PSME4: variants seen among roughly 807,000 people sequenced by gnomAD.
PSME4 encodes the protein proteasome activator complex subunit 4.
A neutral mutation model predicts 253.9 loss-of-function variants in PSME4; 89 were observed. The observed-to-expected ratio is 0.35, with a 90% CI of 0.30 to 0.42. PSME4 has a LOEUF of 0.42. PSME4 is among the 10% of genes least tolerant of loss of function. The probability of loss-of-function intolerance (pLI) is 1.00; values close to 1 mark genes in which losing one functional copy is unlikely to be tolerated. For synonymous variants in PSME4, 851 were observed against 759.2 expected (o/e 1.12, Z -1.99); for missense variants, 2,014 against 2,195.2 (o/e 0.92, Z 1.65).
At chr2:53,951,065 A>G (rs1669965015) in intron 1 of PSME4, among the ~76,000 whole-genome samples, 1 of 152,046 alleles carries the variant, frequency 6.6e-6, no homozygotes, top group Admixed American at 6.6e-5. Context: ...CCTGAGATCA[A>G]ATAAAACTTA....
intron 7 of PSME4, among the ~76,000 whole-genome samples, chr2:53,935,074 G>A (rs1285126408): frequency 5.9e-5 from 9 of 152,110 alleles, no homozygotes; most frequent in Non-Finnish European, 1.3e-4. Context: ...TGTCCCAAAT[G>A]CACAAATAAT....
At chr2:53,948,359 T>C (rs1669822318) in intron 3 of PSME4, 62 bp downstream of exon 3, 2 of 974,496 alleles carry the variant, frequency 2.1e-6, no homozygotes, top group Admixed American at 3.8e-5. Context: ...TTTTCAATCA[T>C]GATCACCCCC....
chr2:53,919,251 A>C lies in PSME4; in HGVS notation c.2421-5T>G. The C allele has an allele frequency of 3.1e-6, 2 of 641,748 alleles. No homozygotes were observed. Among genetic ancestry groups the C allele is most frequent in the Non-Finnish European group, 4.6e-6 (2 of 439,446 alleles). The allele number at this position is 641,748 out of a possible 1,614,324, so 39.8% of individuals were successfully genotyped here. ...AGACTCTGTAGAATATCATCTCTAG[A>C]AAAAAAAAAAAGACATTTTCATATT... On this transcript the variant is annotated splice_polypyrimidine_tract_variant and splice_region_variant and intron_variant, in intron 19 of 46. Coordinates refer to ENST00000404125, the MANE Select transcript of PSME4 (RefSeq NM_014614.3).
At chr2:53,896,653 TA>T (rs1680150380) in intron 32 of PSME4, 150 bp downstream of exon 32, 1 of 589,206 alleles carries the variant, frequency 1.7e-6, no homozygotes, top group African/African-American at 1.9e-5. Flanking sequence ...TAGCTTTTAC[TA>T]AGTCAACTGT....
chr2:53,869,405 C>T lies in PSME4; in HGVS notation c.5234G>A (p.Gly1745Asp). ...KLPKKRKRDP[G>D]SVGDTIPSAE... ...AGAAGGAATGGTATCTCCTACAGAA[C>T]CAGGGTCTCGCTTTCTTTTCTTAGG... is the stretch of plus-strand genomic sequence containing the variant. Residue 1745 changes from glycine to aspartate, a missense_variant, in exon 44 of 47, where the codon GGT becomes GAT. Gly to Asp is a moderately conservative substitution (Grantham distance 94). This residue lies in a region of PSME4 where 403 missense variants were observed against 556.1 expected (regional missense o/e 0.72). Coordinates refer to ENST00000404125, the MANE Select transcript of PSME4 (RefSeq NM_014614.3). The T allele has an allele frequency of 1.2e-6, 2 of 1,610,974 alleles. No homozygotes were observed. Among genetic ancestry groups the T allele is most frequent in the Non-Finnish European group, 1.7e-6 (2 of 1,177,806 alleles).
In PSME4 at chr2:53,970,577, G is replaced by A. The variant is rs1252606977; in HGVS notation, c.208C>T (p.Pro70Ser). The A allele has an allele frequency of 2.6e-6, 4 of 1,548,548 alleles. No homozygotes were observed. The change falls in exon 1 of 47, where the codon CCC becomes TCC. Residue 70 changes from proline to serine, a missense_variant. Coordinates refer to ENST00000404125, the MANE Select transcript of PSME4 (RefSeq NM_014614.3). The part of the protein sequence containing the change: ...GRAVQLQELW[P>S]GGLFWTRKLS... The stretch of plus-strand genomic sequence containing the variant: ...TTCCTGGTCCAGAAGAGGCCCCCGG[G>A]CCACAGCTCTTGGAGCTGCACGGCC...
intron 40 of PSME4, 36 bp from the exon 41 acceptor site, chr2:53,885,811 C>A (rs1337193614): frequency 6.7e-7 from 1 of 1,488,634 alleles, no homozygotes; most frequent in Non-Finnish European, 9.4e-7. Flanking sequence ...TAAGTCTTTG[C>A]CATTCATTTA....
rs1669863054 is a variant in PSME4 at position 53,949,288 on chromosome 2, A to G, written c.243-5T>C. ...CTCCCATAAAGTCGAATATATCTGC[A>G]AGAGAAAAATAGATATACCCTTTAA... On this transcript the variant is annotated splice_region_variant and splice_polypyrimidine_tract_variant and intron_variant, in intron 1 of 46. Coordinates refer to ENST00000404125, the MANE Select transcript of PSME4 (RefSeq NM_014614.3). The G allele has an allele frequency of 1.9e-6, 3 of 1,560,744 alleles. No individual in the cohort carries two copies. The highest frequency in any genetic ancestry group is 2.6e-6 in the Non-Finnish European group (3 of 1,140,470).
Position 53,875,751 on chromosome 2 carries a change from G to A in PSME4, c.4820C>T (p.Ala1607Val). ...LQLLPLFFKI[A>V]PVENDNSYDE... ...GTAGCTATTGTCATTTTCCACTGGG[G>A]CAATCTAAAAAACAATGTAAAAAGG... is the stretch of plus-strand genomic sequence containing the variant. The change falls in exon 42 of 47, where the codon GCC becomes GTC. Residue 1607 changes from alanine to valine, a missense_variant. By Grantham distance (64) the Ala-to-Val change is moderately conservative. Around this residue, in one of 4 missense-constraint regions of PSME4, gnomAD observed 403 missense variants for 556.1 expected, o/e 0.72. Transcript: ENST00000404125. 6.2e-7 allele frequency: 1 copy of A among 1,609,872 alleles called. No individual in the cohort carries two copies. Among genetic ancestry groups the A allele is most frequent in the Non-Finnish European group, 8.5e-7 (1 of 1,178,258 alleles).
At chr2:53,892,559 CTTT>C (rs1679957487) in intron 36 of PSME4, among the ~76,000 whole-genome samples, 1 of 151,980 alleles carries the variant, frequency 6.6e-6, no homozygotes, top group Non-Finnish European at 1.5e-5. Context: ...AACTGGAATT[CTTT>C]TTTAATTTTT....
intron 1 of PSME4, among the ~76,000 whole-genome samples, chr2:53,959,290 A>G (rs1025833710): frequency 6.6e-6 from 1 of 152,148 alleles, no homozygotes; most frequent in Non-Finnish European, 1.5e-5. Flanking sequence ...GCTGGAACCC[A>G]GGAGGCAGAG....
intron 26 of PSME4, among the ~76,000 whole-genome samples, chr2:53,905,780 G>A (rs1680629614): frequency 6.6e-6 from 1 of 151,946 alleles, no homozygotes; most frequent in South Asian, 2.1e-4. Flanking sequence ...TCACACCACT[G>A]CACTGCAGCC....
At chr2:53,933,808 T>G (rs1456365962) in intron 8 of PSME4, among the ~76,000 whole-genome samples, 1 of 152,220 alleles carries the variant, frequency 6.6e-6, no homozygotes. Context: ...AAATCCAGTT[T>G]CAACTCACTG....
chr2:53,868,180 G>A (rs805383), intron 44 of PSME4, among the ~76,000 whole-genome samples: 9 of 151,662 alleles, frequency 5.9e-5, no homozygotes, highest in Middle Eastern at 3.4e-3. Flanking sequence ...TCTCAGGCCA[G>A]GTGCTGTGGC....
At chr2:53,956,465 G>C (rs1482489150) in intron 1 of PSME4, among the ~76,000 whole-genome samples, 1 of 151,840 alleles carries the variant, frequency 6.6e-6, no homozygotes, top group Non-Finnish European at 1.5e-5. Flanking sequence ...GGGAGGCGGA[G>C]GTTGTAGTGA....
chr2:53,898,194 C>A, intron 30 of PSME4, 107 bp downstream of exon 30: 1 of 1,238,300 alleles, frequency 8.1e-7, no homozygotes, highest in Non-Finnish European at 1.1e-6. Context: ...ATACACAAAC[C>A]GGAATATAAC....
At chr2:53,934,792 G>T in intron 7 of PSME4, 65 bp from the exon 8 acceptor site, 1 of 1,279,470 alleles carries the variant, frequency 7.8e-7, no homozygotes, top group Non-Finnish European at 1.1e-6. Context: ...AGCTTAGTAA[G>T]TGCTGTATAT....
chr2:53,875,007 A>G (rs1679057222), intron 42 of PSME4, among the ~76,000 whole-genome samples: 1 of 152,204 alleles, frequency 6.6e-6, no homozygotes, highest in South Asian at 2.1e-4. Context: ...AGTCATGATT[A>G]ATGGCTCCTA....
chr2:53,893,651 G>T (rs1237185330), intron 35 of PSME4, 23 bp downstream of exon 35: 6 of 1,603,120 alleles, frequency 3.7e-6, no homozygotes, highest in Non-Finnish European at 5.1e-6. Context: ...ATTACAAAGA[G>T]GATATGTAAA....
Sources: gnomAD v4.1 joint callset for allele counts (sites outside exome capture counted in the v4.1 genomes callset) on GRCh38, gnomAD v4.1.1 for gene constraint, gnomAD v4.1.1 regional missense constraint, MANE v1.5 for transcripts, NCBI Gene and HGNC (gene_info 2026-07-23, HGNC 2026-07-21) for gene names.